The following LOC728743 variants were observed in gnomAD, a reference collection of about 807,000 sequenced individuals.
At chr7:150,406,445 T>G in the LOC728743 span, among the ~76,000 whole-genome samples, 1 of 149,348 alleles carries the variant, frequency 6.7e-6, no homozygotes, top group African/African-American at 2.5e-5. Context: ...CAGTGGGGGG[T>G]GTGTGTGTGT....
chr7:150,410,469 G>A, the LOC728743 span: 2 of 348,446 alleles, frequency 5.7e-6, no homozygotes, highest in Admixed American at 4.8e-5. Flanking sequence ...GTGGTAGGAC[G>A]ATGCCTGTGT....
the LOC728743 span, chr7:150,408,200 G>A: frequency 2.0e-5 from 8 of 392,184 alleles, no homozygotes; most frequent in Admixed American, 4.4e-5. Context: ...GGGCCAGGCG[G>A]CCCACTTAGG....
the LOC728743 span, among the ~76,000 whole-genome samples, chr7:150,408,783 C>G: frequency 1.1e-4 from 17 of 152,368 alleles, no homozygotes; most frequent in South Asian, 3.3e-3. Flanking sequence ...GTTTACTCAT[C>G]TGTAAGTTGG....
At chr7:150,409,472 A>C in the LOC728743 span, among the ~76,000 whole-genome samples, 1 of 152,224 alleles carries the variant, frequency 6.6e-6, no homozygotes, top group African/African-American at 2.4e-5. Flanking sequence ...GCTCTGAGGC[A>C]CGGGCCTCTT....
At chr7:150,400,783 G>C in the LOC728743 span, 1 of 152,226 alleles carries the variant, frequency 6.6e-6, no homozygotes, top group Non-Finnish European at 1.5e-5. Flanking sequence ...ATAAACCTGG[G>C]TCAGAGGATA....
chr7:150,402,094 T>A, the LOC728743 span, among the ~76,000 whole-genome samples: 2 of 152,198 alleles, frequency 1.3e-5, no homozygotes, highest in Non-Finnish European at 2.9e-5. Flanking sequence ...AAATGGTAGC[T>A]ATTGTTGTTT....
At chr7:150,406,470 AGTT>A in the LOC728743 span, among the ~76,000 whole-genome samples, 2 of 152,054 alleles carry the variant, frequency 1.3e-5, no homozygotes, top group Non-Finnish European at 2.9e-5. Flanking sequence ...AGGAGTGTTT[AGTT>A]GTTGAGCAGC....
chr7:150,406,301 G>C, the LOC728743 span, among the ~76,000 whole-genome samples: 6 of 152,322 alleles, frequency 3.9e-5, no homozygotes, highest in South Asian at 1.2e-3. Context: ...TGGGGAGAAT[G>C]GATGAGGCAG....
At chr7:150,408,844 T>C in the LOC728743 span, among the ~76,000 whole-genome samples, 1 of 152,074 alleles carries the variant, frequency 6.6e-6, no homozygotes, top group African/African-American at 2.4e-5. Context: ...AGCTACTGGA[T>C]GAGAGAGGGT....
At chr7:150,410,103 G>A in the LOC728743 span, 16 of 398,608 alleles carry the variant, frequency 4.0e-5, no homozygotes, top group Non-Finnish European at 6.6e-5. Context: ...GGGGTGGCTG[G>A]GCAGGGCCAT....
the LOC728743 span, chr7:150,408,230 CG>C: frequency 5.1e-6 from 2 of 389,964 alleles, no homozygotes; most frequent in Non-Finnish European, 4.5e-6. Context: ...ATGATGCGCC[CG>C]GGGCCTGCTG....
At chr7:150,402,278 T>C in the LOC728743 span, among the ~76,000 whole-genome samples, 1 of 152,232 alleles carries the variant, frequency 6.6e-6, no homozygotes, top group Non-Finnish European at 1.5e-5. Context: ...TGGGTTTTAA[T>C]TCCAAGGAAA....
the LOC728743 span, among the ~76,000 whole-genome samples, chr7:150,407,416 G>A: frequency 1.3e-5 from 2 of 152,284 alleles, no homozygotes; most frequent in South Asian, 2.1e-4. Flanking sequence ...AGTGGAGGAA[G>A]AGGAACACCA....
the LOC728743 span, among the ~76,000 whole-genome samples, chr7:150,406,204 T>C: frequency 6.6e-6 from 1 of 152,264 alleles, no homozygotes; most frequent in Non-Finnish European, 1.5e-5. Flanking sequence ...GAGACCCCAC[T>C]CTGCAGATAG....
chr7:150,403,705 CTG>C, the LOC728743 span, among the ~76,000 whole-genome samples: 1 of 152,196 alleles, frequency 6.6e-6, no homozygotes, highest in African/African-American at 2.4e-5. The surrounding 1 kb of genome is among the most constrained non-coding windows in gnomAD (Gnocchi z 5.1). Context: ...CCCGTTGTCT[CTG>C]TTTAAAATGC....
the LOC728743 span, among the ~76,000 whole-genome samples, chr7:150,409,106 C>G: frequency 7.3e-6 from 1 of 136,628 alleles, no homozygotes; most frequent in African/African-American, 2.8e-5. Flanking sequence ...TAAAATTGTT[C>G]TAGGAAGAGC....
chr7:150,402,936 A>G, the LOC728743 span, among the ~76,000 whole-genome samples: 4 of 152,256 alleles, frequency 2.6e-5, no homozygotes, highest in Non-Finnish European at 5.9e-5. Flanking sequence ...CACGAGCAAC[A>G]CATCTACCCA....
At chr7:150,401,008 G>T in the LOC728743 span, 1 of 152,212 alleles carries the variant, frequency 6.6e-6, no homozygotes, top group African/African-American at 2.4e-5. Context: ...CCAAGGCCAG[G>T]TAAGTGCAGG....
the LOC728743 span, among the ~76,000 whole-genome samples, chr7:150,403,534 T>C: frequency 8.5e-5 from 13 of 152,232 alleles, no homozygotes; most frequent in African/African-American, 3.1e-4. This position sits in a 1 kb window ranked among gnomAD's most constrained non-coding sequence, Gnocchi z 5.1. Flanking sequence ...CTGGGGGCTC[T>C]GGCAGGTGAC....
Sources: allele counts gnomAD v4.1 joint callset (sites outside exome capture counted in the v4.1 genomes callset), GRCh38; gene constraint gnomAD v4.1.1; non-coding constraint Gnocchi (gnomAD v3.1); transcripts MANE v1.5.